The following EYS variants were observed in gnomAD, a reference collection of about 807,000 sequenced individuals.
The protein encoded by EYS is EGF-like photoreceptor maintenance factor, also known as protein eyes shut homolog.
A neutral mutation model predicts 282.1 loss-of-function variants in EYS; 250 were observed. The observed-to-expected ratio is 0.89, with a 90% confidence interval of 0.80 to 0.98. The LOEUF (loss-of-function observed/expected upper bound fraction) is 0.98. Among genes scored for constraint, EYS ranks in the 50% least tolerant of loss-of-function variants. The pLI is 0.00. For missense variants in EYS, 4,016 were observed against 3,709.0 expected (o/e 1.08, Z -2.15); for synonymous variants, 1,355 against 1,282.9 (o/e 1.06, Z -1.20).
At chr6:65,638,729 C>T (rs6917401) in intron 2 of EYS, among the ~76,000 whole-genome samples, 53,093 of 152,138 alleles carry the variant, frequency 0.35, 11,646 homozygotes, top group Non-Finnish European at 0.48. Context: ...CGCTCACTTT[C>T]TCACATATCC....
chr6:65,511,857 T>C (rs1315834863), intron 2 of EYS, among the ~76,000 whole-genome samples: 1 of 151,838 alleles, frequency 6.6e-6, no homozygotes, highest in African/African-American at 2.4e-5. Context: ...TGAGAGGTCC[T>C]ATAATCTCAG....
chr6:64,591,398 G>A lies in EYS; in HGVS notation c.4469C>T (p.Ser1490Leu), dbSNP rs752244384. Residue 1490 changes from serine to leucine, a missense_variant, in exon 26 of 43, where the codon TCG becomes TTG. Ser to Leu is a moderately radical substitution (Grantham distance 145). Transcript: ENST00000503581. ...RREHWRLLSP[S>L]MSPIFPAKVI... ...CTTAGCAGGAAAAATGGGAGACATCGAGGGGCTGAGCAATCTCCAGTGCTC... is the reference window on the plus strand; with the variant it reads ...CTTAGCAGGAAAAATGGGAGACATCAAGGGGCTGAGCAATCTCCAGTGCTC... 10 of 1,551,258 alleles carry A rather than the reference G, an allele frequency of 6.4e-6. No individual in the cohort carries two copies. The East Asian group carries it at 1.5e-4, about 23-fold the overall frequency.
intron 35 of EYS, among the ~76,000 whole-genome samples, chr6:63,961,663 A>C (rs1211360615): frequency 6.6e-6 from 1 of 152,170 alleles, no homozygotes; most frequent in Non-Finnish European, 1.5e-5. Context: ...GACACGTATG[A>C]CAGAAGGGAC....
chr6:64,776,999 T>C (rs553777990), intron 22 of EYS, among the ~76,000 whole-genome samples: 2 of 152,268 alleles, frequency 1.3e-5, no homozygotes, highest in South Asian at 2.1e-4. Context: ...CTTACAATCA[T>C]GACAGAAGGC....
chr6:64,308,156 T>C (rs1769529387), intron 29 of EYS, among the ~76,000 whole-genome samples: 1 of 152,054 alleles, frequency 6.6e-6, no homozygotes, highest in African/African-American at 2.4e-5. Flanking sequence ...ATTGCTCTTC[T>C]AGGGACCAAA....
chr6:64,168,279 T>C, intron 31 of EYS, among the ~76,000 whole-genome samples: 1 of 152,076 alleles, frequency 6.6e-6, no homozygotes, highest in East Asian at 1.9e-4. Flanking sequence ...AATAAATAAA[T>C]AAATAAAGCC....
intron 12 of EYS, among the ~76,000 whole-genome samples, chr6:65,185,003 G>A (rs2150235894): frequency 6.7e-6 from 1 of 149,948 alleles, no homozygotes; most frequent in African/African-American, 2.5e-5. Context: ...TTTGAAGTGG[G>A]AAATTTTCAT....
intron 30 of EYS, among the ~76,000 whole-genome samples, chr6:64,239,959 G>T (rs1766744660): frequency 6.6e-6 from 1 of 152,156 alleles, no homozygotes; most frequent in Non-Finnish European, 1.5e-5. Flanking sequence ...TCCAGTTTAA[G>T]CTTTTTGCAT....
At chr6:64,236,086 C>T (rs1766596610) in intron 30 of EYS, among the ~76,000 whole-genome samples, 1 of 152,170 alleles carries the variant, frequency 6.6e-6, no homozygotes, top group South Asian at 2.1e-4. Context: ...AAAATACTGG[C>T]AAATCGAATC....
intron 12 of EYS, among the ~76,000 whole-genome samples, chr6:65,188,246 C>T (rs1169513443): frequency 6.6e-6 from 1 of 151,464 alleles, no homozygotes; most frequent in Non-Finnish European, 1.5e-5. Flanking sequence ...AGATAATTGT[C>T]TTGACTAGGA....
intron 18 of EYS, among the ~76,000 whole-genome samples, chr6:64,891,166 A>AC (rs1491484062): frequency 9.9e-6 from 1 of 101,184 alleles, no homozygotes; most frequent in Non-Finnish European, 2.1e-5. Context: ...CATAGAGATT[A>AC]AAAAAAAAAA....
At chr6:65,010,908 A>C (rs182297881) in intron 13 of EYS, among the ~76,000 whole-genome samples, 1 of 152,302 alleles carries the variant, frequency 6.6e-6, no homozygotes, top group Admixed American at 6.5e-5. Flanking sequence ...GCTGTCTTAC[A>C]CTGCTGGGGT....
intron 13 of EYS, among the ~76,000 whole-genome samples, chr6:65,019,511 C>T (rs1042155764): frequency 6.6e-6 from 1 of 152,084 alleles, no homozygotes; most frequent in Admixed American, 6.6e-5. Flanking sequence ...TTTCTGATAC[C>T]TAACATAGAG....
At chr6:64,434,976 C>G (rs9345093) in intron 28 of EYS, among the ~76,000 whole-genome samples, 36,610 of 151,830 alleles carry the variant, frequency 0.24, 4,955 homozygotes, top group East Asian at 0.39. Flanking sequence ...TACTGCCACC[C>G]AAGGCTCATG....
chr6:64,832,442 A>G (rs59520927), intron 19 of EYS, among the ~76,000 whole-genome samples: 23,107 of 151,746 alleles, frequency 0.15, 1,986 homozygotes, highest in East Asian at 0.43. Flanking sequence ...AGAGGCTAGG[A>G]GTGGGAGAAA....
chr6:65,326,623 A>G (rs1359040211), intron 11 of EYS, among the ~76,000 whole-genome samples: 1 of 151,556 alleles, frequency 6.6e-6, no homozygotes, highest in African/African-American at 2.4e-5. Context: ...ATGAGACCAT[A>G]TAGAATTTAT....
chr6:64,580,671 G>T, intron 26 of EYS, among the ~76,000 whole-genome samples: 1 of 151,986 alleles, frequency 6.6e-6, no homozygotes, highest in East Asian at 1.9e-4. Flanking sequence ...TTAAAATAGA[G>T]GAAAGAAAAT....
intron 22 of EYS, among the ~76,000 whole-genome samples, chr6:64,789,107 G>C (rs1774106402): frequency 6.6e-6 from 1 of 152,106 alleles, no homozygotes; most frequent in African/African-American, 2.4e-5. Context: ...AGCCACCATA[G>C]TATTTGACCT....
intron 8 of EYS, among the ~76,000 whole-genome samples, chr6:65,375,675 A>T (rs1765337963): frequency 6.6e-6 from 1 of 152,116 alleles, no homozygotes; most frequent in Non-Finnish European, 1.5e-5. Flanking sequence ...AGTTTAGAGA[A>T]GAACATAAAT....
Sources: allele counts gnomAD v4.1 joint callset (sites outside exome capture counted in the v4.1 genomes callset), GRCh38; gene constraint gnomAD v4.1.1; transcripts MANE v1.5; gene names NCBI Gene and HGNC (gene_info 2026-07-23, HGNC 2026-07-21).